Variants in EPHA6 observed in about 807,000 individuals in gnomAD.
EPHA6 encodes ephrin type-A receptor 6.
In EPHA6, 50 loss-of-function variants were observed where a neutral mutation model predicts 112.0. That is an observed-to-expected ratio of 0.45 (90% CI 0.36 to 0.56). The LOEUF is 0.56. EPHA6 is among the 20% of genes least tolerant of loss of function. The probability of loss-of-function intolerance (pLI) is 0.00; values close to 1 mark genes in which losing one functional copy is unlikely to be tolerated. For synonymous variants in EPHA6, 529 were observed against 490.7 expected (o/e 1.08, Z -1.03); for missense variants, 1,280 against 1,417.4 (o/e 0.90, Z 1.56).
chr3:96,973,892 TATATAATATATG>T (rs2042414035), intron 2 of EPHA6, among the ~76,000 whole-genome samples: 1 of 146,062 alleles, frequency 6.8e-6, no homozygotes, highest in African/African-American at 2.5e-5. Context: ...TTCTGTATAT[TATATAATATATG>T]ATATAATAGA....
At position 97,504,816 on chromosome 3, in the gene EPHA6, G is replaced by A. The variant is rs946439293; in HGVS notation, c.2200+20757G>A. On this transcript the variant is annotated intron_variant, in intron 10 of 17. Transcript: ENST00000389672. ...AAATTATACCCTATAGTATTTTTAC[G>A]TATATACTTAACATACTTTTATATT... Among the ~76,000 whole-genome samples the A allele has an allele frequency of 1.1e-4, 17 of 151,694 alleles. No individual in the cohort carries two copies. In the East Asian group the frequency reaches 1.4e-3, roughly 12 times the overall value.
intron 10 of EPHA6, among the ~76,000 whole-genome samples, chr3:97,514,450 G>A (rs1021079331): frequency 1.3e-5 from 2 of 152,088 alleles, no homozygotes; most frequent in African/African-American, 4.8e-5. Context: ...CATCTGTAAA[G>A]TCTTTTTTGC....
intron 14 of EPHA6, among the ~76,000 whole-genome samples, chr3:97,667,200 A>G (rs2030220373): frequency 6.6e-6 from 1 of 152,332 alleles, no homozygotes; most frequent in East Asian, 1.9e-4. Flanking sequence ...ATCATATCTC[A>G]AGATGATAAT....
chr3:97,610,670 G>A (rs1291751899), intron 12 of EPHA6, 123 bp from the exon 13 acceptor site: 4 of 744,690 alleles, frequency 5.4e-6, no homozygotes. Flanking sequence ...GAAGCAGGCT[G>A]GAAAATGAAA....
chr3:97,631,421 T>C (rs1433806350), intron 13 of EPHA6, among the ~76,000 whole-genome samples: 2 of 152,004 alleles, frequency 1.3e-5, no homozygotes, highest in African/African-American at 4.8e-5. Context: ...TGTGTAGCCA[T>C]TTTATAGCTC....
intron 3 of EPHA6, among the ~76,000 whole-genome samples, chr3:97,114,684 G>T (rs911814722): frequency 6.6e-6 from 1 of 151,878 alleles, no homozygotes; most frequent in African/African-American, 2.4e-5. Flanking sequence ...CTTCATTAAG[G>T]TCATATTAAA....
intron 14 of EPHA6, among the ~76,000 whole-genome samples, chr3:97,690,270 A>C (rs1443732244): frequency 6.6e-6 from 1 of 152,230 alleles, no homozygotes; most frequent in Non-Finnish European, 1.5e-5. Flanking sequence ...CTGGTAAGGA[A>C]TGAGGGTTCT....
At chr3:97,164,594 C>A (rs1473660412) in intron 3 of EPHA6, among the ~76,000 whole-genome samples, 1 of 151,972 alleles carries the variant, frequency 6.6e-6, no homozygotes, top group Admixed American at 6.6e-5. Context: ...CTGAGTACTT[C>A]AGTATTACTC....
chr3:96,848,212 A>G (rs1001140157), intron 1 of EPHA6, among the ~76,000 whole-genome samples: 2 of 152,086 alleles, frequency 1.3e-5, no homozygotes, highest in African/African-American at 2.4e-5. Flanking sequence ...TCTAAATGTG[A>G]TAACAACCCT....
At chr3:97,728,274 C>T (rs1412062929) in intron 15 of EPHA6, among the ~76,000 whole-genome samples, 3 of 151,456 alleles carry the variant, frequency 2.0e-5, no homozygotes, top group Non-Finnish European at 4.4e-5. Flanking sequence ...CATTTTTTCC[C>T]AGAGAGTGCT....
intron 5 of EPHA6, among the ~76,000 whole-genome samples, chr3:97,326,562 T>C (rs2082433064): frequency 6.6e-6 from 1 of 152,080 alleles, no homozygotes; most frequent in Non-Finnish European, 1.5e-5. Context: ...ATTGAATTAA[T>C]GACATTTCCT....
intron 3 of EPHA6, among the ~76,000 whole-genome samples, chr3:97,104,736 C>T (rs2047513452): frequency 6.6e-6 from 1 of 152,086 alleles, no homozygotes; most frequent in African/African-American, 2.4e-5. Context: ...CTTCTTTGTA[C>T]ATCAGGTAGA....
chr3:97,233,654 A>C (rs188325097), intron 4 of EPHA6, among the ~76,000 whole-genome samples: 45 of 152,298 alleles, frequency 3.0e-4, no homozygotes, highest in Middle Eastern at 3.4e-3. Context: ...TTAGATCATC[A>C]GTCATTCCCA....
intron 3 of EPHA6, among the ~76,000 whole-genome samples, chr3:96,996,944 A>C (rs1167483159): frequency 1.3e-5 from 2 of 152,028 alleles, no homozygotes; most frequent in Admixed American, 6.6e-5. Flanking sequence ...TGAAACCCTA[A>C]ATGTGGCCAC....
intron 5 of EPHA6, among the ~76,000 whole-genome samples, chr3:97,263,673 G>A (rs1212295001): frequency 1.3e-5 from 2 of 152,018 alleles, no homozygotes; most frequent in Non-Finnish European, 2.9e-5. Flanking sequence ...ACAGAATTTT[G>A]TATGCTTATA....
Position 97,337,787 on chromosome 3 carries a change from A to G in EPHA6, c.1607-67363A>G, listed in dbSNP as rs547170227. On this transcript the variant is annotated intron_variant, in intron 5 of 17. Transcript: ENST00000389672. ...GAAATGTAAGTTTTATTAAAATAAA[A>G]TTCAAGGGTTTCATTGATAAACTAT... Among the ~76,000 whole-genome samples, 3 of 152,310 alleles carry G rather than the reference A, an allele frequency of 2.0e-5. No individual in the cohort carries two copies. The South Asian group carries it at 6.2e-4, about 32-fold the overall frequency.
chr3:97,007,815 G>A (rs1425409037), intron 3 of EPHA6, among the ~76,000 whole-genome samples: 1 of 152,134 alleles, frequency 6.6e-6, no homozygotes, highest in African/African-American at 2.4e-5. Flanking sequence ...TGAAATCCCT[G>A]AGCATTTGTT....
At chr3:97,475,324 A>G in intron 7 of EPHA6, 28 bp from the exon 8 acceptor site, 1 of 1,539,702 alleles carries the variant, frequency 6.5e-7, no homozygotes, top group Non-Finnish European at 8.9e-7. Flanking sequence ...TCACCCAGGG[A>G]AATTTTAATA....
At chr3:97,145,883 T>C (rs1352934556) in intron 3 of EPHA6, among the ~76,000 whole-genome samples, 1 of 151,612 alleles carries the variant, frequency 6.6e-6, no homozygotes, top group African/African-American at 2.4e-5. Context: ...AATGTATTGG[T>C]TATAAAATTC....
Sources: allele counts gnomAD v4.1 joint callset (sites outside exome capture counted in the v4.1 genomes callset), GRCh38; gene constraint gnomAD v4.1.1; transcripts MANE v1.5; gene names NCBI Gene and HGNC (gene_info 2026-07-23, HGNC 2026-07-21).